Variants in ZAN observed in about 807,000 individuals in gnomAD.
ZAN encodes the protein zonadhesin (gene/pseudogene).
A neutral mutation model predicts 286.2 loss-of-function variants in ZAN; 260 were observed. That is an observed-to-expected ratio of 0.91 (90% CI 0.82 to 1.01). The LOEUF (loss-of-function observed/expected upper bound fraction) is 1.01. Among genes scored for constraint, ZAN ranks in the 50% least tolerant of loss-of-function variants. The pLI is 0.00. For synonymous variants in ZAN, 1,368 were observed against 1,417.5 expected (o/e 0.97, Z 0.79); for missense variants, 3,410 against 3,639.2 (o/e 0.94, Z 1.62).
Position 100,775,748 on chromosome 7 carries a change from T to C in ZAN, c.6107T>C (p.Ile2036Thr), listed in dbSNP as rs984801985. The change falls in exon 33 of 48, where the codon ATT becomes ACT. Residue 2036 changes from isoleucine (I) to threonine (T), a missense_variant. By Grantham distance (89) the Ile-to-Thr change is moderately conservative (BLOSUM62 -1). Coordinates refer to ENST00000613979, the MANE Select transcript of ZAN (RefSeq NM_003386.3). The stretch of plus-strand genomic sequence containing the variant: ...GTCAAGTCCAGCAGCATCTACAGCA[T>C]TGTTAACATCAAGATCGGGGTGCAA... ...VSVKSSSIYS[I>T]VNIKIGVQVK... 1 of 1,613,900 alleles carries C rather than the reference T, an allele frequency of 6.2e-7. No individual in the cohort carries two copies. Among genetic ancestry groups the C allele is most frequent in the African/African-American group, 1.3e-5 (1 of 75,042 alleles).
At chr7:100,789,579 G>A (rs544165697) in intron 39 of ZAN, among the ~76,000 whole-genome samples, 2 of 152,276 alleles carry the variant, frequency 1.3e-5, no homozygotes, top group East Asian at 3.9e-4. Context: ...GGAAGCTGAG[G>A]TGGGAGGATC....
intron 44 of ZAN, 50 bp downstream of exon 44, chr7:100,794,308 TC>T: frequency 1.9e-6 from 3 of 1,542,126 alleles, no homozygotes; most frequent in Non-Finnish European, 2.6e-6. Flanking sequence ...CCCTGGGGCG[TC>T]CATGGACCAA....
At chr7:100,775,856 C>T in intron 33 of ZAN, 23 bp downstream of exon 33, 1 of 1,611,126 alleles carries the variant, frequency 6.2e-7, no homozygotes, top group East Asian at 2.2e-5. Context: ...TCTGGCTCTT[C>T]TCGCTGGGGA....
chr7:100,745,184 G>A (rs921970495), intron 7 of ZAN, among the ~76,000 whole-genome samples: 5 of 151,580 alleles, frequency 3.3e-5, no homozygotes. Context: ...GCGCCAGCCC[G>A]TGTCCTTGAT....
intron 42 of ZAN, among the ~76,000 whole-genome samples, chr7:100,792,698 C>G (rs911198089): frequency 3.3e-5 from 5 of 152,128 alleles, no homozygotes; most frequent in African/African-American, 1.2e-4. Context: ...TCAGCACAAC[C>G]GGCAGCCTGG....
At chr7:100,738,891 C>T (rs138436994) in intron 7 of ZAN, among the ~76,000 whole-genome samples, 9,634 of 18,780 alleles carry the variant, frequency 0.51, 1,506 homozygotes, top group Middle Eastern at 0.57. Flanking sequence ...CTCCCTCTCC[C>T]TCTCCCTCTC....
At position 100,767,100 on chromosome 7, in the gene ZAN, T is replaced by C. The variant is rs776371925; in HGVS notation, c.4703T>C (p.Leu1568Pro). 7 of 1,613,972 alleles carry C rather than the reference T, an allele frequency of 4.3e-6. No homozygotes were observed. The South Asian group carries it at 7.7e-5, about 18-fold the overall frequency. The change falls in exon 25 of 48, where the codon CTG (leucine) becomes CCG (proline). Residue 1568 changes from leucine to proline, a missense_variant. Leu to Pro is a moderately conservative substitution (Grantham distance 98). Around this residue, in one of 7 missense-constraint regions of ZAN, gnomAD observed 1,042 missense variants for 1,058.0 expected, o/e 0.98. Coordinates refer to ENST00000613979, the MANE Select transcript of ZAN (RefSeq NM_003386.3). The part of the protein sequence containing the change: ...HHFMGTCTYV[L>P]TRPCWSRSQD... ...TTCATGGGCACCTGCACCTATGTCC[T>C]GACCCGGCCTTGCTGGTCCAGGTCC...
Position 100,738,677 on chromosome 7 carries a change from C to T in ZAN, c.766+64C>T, listed in dbSNP as rs1030184198. On this transcript the variant is annotated intron_variant, in intron 7 of 47. Coordinates refer to ENST00000613979, the MANE Select transcript of ZAN (RefSeq NM_003386.3). ...GCACCAAGCACCCTACGATAATTGC[C>T]CTGGGACGGTCTGTCATGAACACCT... 16 of 1,433,396 alleles carry T rather than the reference C, an allele frequency of 1.1e-5. 1 individual carries two copies. Among genetic ancestry groups the T allele is most frequent in the Non-Finnish European group, 1.5e-5 (16 of 1,046,356 alleles). The allele number at this position is 1,433,396 out of a possible 1,614,324, so 88.8% of individuals were successfully genotyped here. A position where few individuals can be genotyped will look rare whatever the true frequency, so the allele number is the denominator to read the frequency against.
At chr7:100,759,688 C>T in intron 17 of ZAN, 33 bp from the exon 18 acceptor site, 1 of 1,560,268 alleles carries the variant, frequency 6.4e-7, no homozygotes, top group Non-Finnish European at 8.7e-7. Flanking sequence ...AGAAATGAGC[C>T]ACTGGGCTCT....
intron 27 of ZAN, 145 bp downstream of exon 27, chr7:100,768,866 TAGA>T: frequency 1.5e-6 from 1 of 659,950 alleles, no homozygotes; most frequent in South Asian, 2.5e-5. Context: ...CTCTCCTGTT[TAGA>T]CTCTCCAAGA....
intron 15 of ZAN, among the ~76,000 whole-genome samples, chr7:100,757,823 C>A (rs1809252663): frequency 1.3e-5 from 2 of 148,896 alleles, no homozygotes; most frequent in Non-Finnish European, 3.0e-5. Flanking sequence ...GCCTGTAATA[C>A]CAGCATTTTG....
rs758854257 is a variant in ZAN at position 100,752,278 on chromosome 7, A to G, written c.2173A>G (p.Thr725Ala). Reference protein sequence around the residue: ...EKPTIPTEKPTIPTEKSTISP... With the variant: ...EKPTIPTEKPAIPTEKSTISP... ...ACCCACCATCCCCACAGAAAAACCC[A>G]CCATCCCCACAGAAAAATCCACCAT... is the stretch of plus-strand genomic sequence containing the variant. Residue 725 changes from threonine to alanine, a missense_variant, in exon 14 of 48, where the codon ACC (threonine) becomes GCC (alanine). By Grantham distance (58) the Thr-to-Ala change is moderately conservative. This residue lies in a region of ZAN where 39 missense variants were observed against 76.9 expected (regional missense o/e 0.51). Coordinates refer to ENST00000613979, the MANE Select transcript of ZAN (RefSeq NM_003386.3). 1.5e-5 allele frequency: 24 copies of G among 1,552,102 alleles called. No homozygotes were observed. The highest frequency in any genetic ancestry group is 1.9e-5 in the Non-Finnish European group (22 of 1,144,422).
At chr7:100,791,862 G>A (rs1348137887) in intron 40 of ZAN, 104 bp from the exon 41 acceptor site, 1 of 1,369,302 alleles carries the variant, frequency 7.3e-7, no homozygotes, top group Non-Finnish European at 9.8e-7. Flanking sequence ...CGGGTAGCTG[G>A]GACTCCAGGC....
chr7:100,771,728 G>A (rs1427868732), intron 28 of ZAN, 116 bp from the exon 29 acceptor site: 7 of 1,163,968 alleles, frequency 6.0e-6, no homozygotes, highest in Non-Finnish European at 7.2e-6. Context: ...CACTGTGCCT[G>A]GCGGGAAAAT....
chr7:100,757,901 T>C (rs1584578172), intron 15 of ZAN, among the ~76,000 whole-genome samples: 1 of 126,676 alleles, frequency 7.9e-6, no homozygotes, highest in East Asian at 2.3e-4. Flanking sequence ...ACAGCAAGAC[T>C]CCATCTCTCC....
rs747078125 is a variant in ZAN at position 100,762,263 on chromosome 7, C to A, written c.3891C>A (p.Asn1297Lys). ...LCGLCGNYDGNSDNDHLKLDG... is the reference protein window; with the variant it reads ...LCGLCGNYDGKSDNDHLKLDG... Reference sequence around the variant, plus strand: ...GTTTGTGTGGGAACTATGACGGCAACAGTGACAATGACCACCTGAAGTTGG... The same window carrying A: ...GTTTGTGTGGGAACTATGACGGCAAAAGTGACAATGACCACCTGAAGTTGG... The change falls in exon 20 of 48, where the codon AAC becomes AAA. Residue 1297 changes from asparagine to lysine, a missense_variant. Around this residue, in one of 7 missense-constraint regions of ZAN, gnomAD observed 1,042 missense variants for 1,058.0 expected, o/e 0.98. Transcript: ENST00000613979. 6.7e-5 allele frequency: 108 copies of A among 1,613,530 alleles called. No homozygotes were observed. The highest frequency in any genetic ancestry group is 9.3e-5 in the African/African-American group (7 of 74,886).
At position 100,783,733 on chromosome 7, in the gene ZAN, C is replaced by CA. The variant is rs67004319; in HGVS notation, c.6623-859dup. Among the ~76,000 whole-genome samples, 4 of 11,242 alleles carry CA rather than the reference C, an allele frequency of 3.6e-4. 1 individual carries two copies. Among genetic ancestry groups the CA allele is most frequent in the East Asian group, 2.7e-3 (1 of 364 alleles). The allele number at this position is 11,242 out of a possible 152,430, so 7.4% of individuals were successfully genotyped here. On this transcript the variant is annotated intron_variant, in intron 35 of 47. Transcript: ENST00000613979. ...AGACTCCGTCCCTGCCCGTCCCCCG[C>CA]AAAAAAAAAAAAAAAAAAAAAAAAA... is the stretch of plus-strand genomic sequence containing the variant.
intron 7 of ZAN, among the ~76,000 whole-genome samples, chr7:100,740,255 T>G (rs1807640293): frequency 7.1e-6 from 1 of 140,248 alleles, no homozygotes; most frequent in Non-Finnish European, 1.6e-5. Flanking sequence ...TGGGGAGCCT[T>G]TGCAGGATTT....
intron 17 of ZAN, 87 bp downstream of exon 17, chr7:100,758,737 G>A (rs1809339509): frequency 1.3e-6 from 2 of 1,516,708 alleles, no homozygotes; most frequent in Non-Finnish European, 1.8e-6. Context: ...GGCAGGAAGG[G>A]GCAGGGCACA....
Sources: allele counts gnomAD v4.1 joint callset (sites outside exome capture counted in the v4.1 genomes callset), GRCh38; gene constraint gnomAD v4.1.1; regional missense constraint gnomAD v4.1.1; transcripts MANE v1.5; gene names NCBI Gene and HGNC (gene_info 2026-07-23, HGNC 2026-07-21).